SUGCT: variants seen among roughly 807,000 people sequenced by gnomAD.
The protein encoded by SUGCT is succinyl-CoA:glutarate-CoA transferase.
In SUGCT, 41 loss-of-function variants were observed where a neutral mutation model predicts 55.0. That is an observed-to-expected ratio of 0.74 (90% CI 0.58 to 0.97). SUGCT has a LOEUF of 0.97. SUGCT is among the 50% of genes least tolerant of loss of function. The probability of loss-of-function intolerance (pLI) is 0.00; values close to 1 mark genes in which losing one functional copy is unlikely to be tolerated. For missense variants in SUGCT, 568 were observed against 547.8 expected (o/e 1.04, Z -0.37); for synonymous variants, 187 against 200.4 (o/e 0.93, Z 0.56).
At chr7:40,141,090 T>C (rs1787956197) in intron 1 of SUGCT, among the ~76,000 whole-genome samples, 1 of 152,204 alleles carries the variant, frequency 6.6e-6, no homozygotes. Flanking sequence ...CTAGGTGTTT[T>C]ATTTTTTTGT....
intron 12 of SUGCT, among the ~76,000 whole-genome samples, chr7:40,522,332 T>C (rs1793577009): frequency 1.3e-5 from 2 of 152,112 alleles, no homozygotes; most frequent in African/African-American, 4.8e-5. Flanking sequence ...GAGTTTTAGC[T>C]TCAAAAGCCC....
At chr7:40,342,810 T>C (rs1797122834) in intron 9 of SUGCT, among the ~76,000 whole-genome samples, 1 of 152,072 alleles carries the variant, frequency 6.6e-6, no homozygotes, top group Admixed American at 6.6e-5. Flanking sequence ...GCCTGGCTAA[T>C]TTTTGTATTT....
intron 12 of SUGCT, among the ~76,000 whole-genome samples, chr7:40,560,546 G>A (rs983599269): frequency 6.6e-6 from 1 of 152,134 alleles, no homozygotes; most frequent in Non-Finnish European, 1.5e-5. Flanking sequence ...ACATCTTTTA[G>A]GAATGATGTA....
At chr7:40,207,531 C>T (rs1041581757) in intron 6 of SUGCT, among the ~76,000 whole-genome samples, 42 of 152,036 alleles carry the variant, frequency 2.8e-4, no homozygotes, top group Non-Finnish European at 5.1e-4. Context: ...AAATTAAACA[C>T]GGAAGCTGGG....
intron 1 of SUGCT, among the ~76,000 whole-genome samples, chr7:40,161,978 C>T (rs1037385807): frequency 1.3e-5 from 2 of 151,944 alleles, no homozygotes; most frequent in African/African-American, 4.8e-5. Context: ...CTCATTGCAA[C>T]CTCCGCCTCC....
Position 40,272,976 on chromosome 7 carries a change from T to C in SUGCT, c.577-1537T>C, listed in dbSNP as rs781563137. Among the ~76,000 whole-genome samples, 107 of 152,072 alleles carry C rather than the reference T, an allele frequency of 7.0e-4. 2 individuals carry two copies. In the Middle Eastern group the frequency reaches 9.5e-3, roughly 13 times the overall value. ...TGCCCAGCCTTTAGTGTAACTTTTA[T>C]TGAAAAAAAATTCCACGTATAAGTG... On this transcript the variant is annotated intron_variant, in intron 7 of 13. Transcript: ENST00000335693.
chr7:40,180,530 C>T (rs1249290962), intron 1 of SUGCT, among the ~76,000 whole-genome samples: 2 of 151,282 alleles, frequency 1.3e-5, no homozygotes, highest in Admixed American at 6.6e-5. Flanking sequence ...TGCTCTGTCG[C>T]CCAGGCTGGA....
chr7:40,488,526 A>G (rs1161683916), intron 11 of SUGCT, among the ~76,000 whole-genome samples: 1 of 152,142 alleles, frequency 6.6e-6, no homozygotes, highest in Non-Finnish European at 1.5e-5. Context: ...TCATTACCAT[A>G]TGAGTATATT....
chr7:40,614,837 A>G (rs1798920091), intron 12 of SUGCT, among the ~76,000 whole-genome samples: 2 of 152,176 alleles, frequency 1.3e-5, no homozygotes, highest in African/African-American at 4.8e-5. Flanking sequence ...ATGTGGATGG[A>G]TCACCTGAGT....
the SUGCT span, among the ~76,000 whole-genome samples, chr7:40,914,315 A>G: frequency 6.2e-5 from 8 of 128,668 alleles, no homozygotes; most frequent in East Asian, 1.8e-3. Context: ...TTTAGGGTAC[A>G]TGTGCACATT....
chr7:40,446,355 A>C (rs1788835884), intron 9 of SUGCT, among the ~76,000 whole-genome samples: 1 of 152,054 alleles, frequency 6.6e-6, no homozygotes. Context: ...CCTTCTCCAC[A>C]AAAAAGCAAG....
chr7:40,184,074 C>G (rs910696147), intron 3 of SUGCT, among the ~76,000 whole-genome samples: 1 of 152,066 alleles, frequency 6.6e-6, no homozygotes, highest in Non-Finnish European at 1.5e-5. Flanking sequence ...ACTTGGAAGG[C>G]TGAGGCAGGA....
chr7:40,941,653 C>T, the SUGCT span, among the ~76,000 whole-genome samples: 17 of 152,138 alleles, frequency 1.1e-4, no homozygotes, highest in East Asian at 3.3e-3. Context: ...TCGGTCTGTG[C>T]TGTCAGTGGA....
intron 13 of SUGCT, among the ~76,000 whole-genome samples, chr7:40,780,496 C>T (rs111843484): frequency 1.1e-3 from 161 of 152,276 alleles, no homozygotes; most frequent in African/African-American, 3.7e-3. Context: ...CCTCTGTCCT[C>T]TGAGAAGAAG....
chr7:40,837,102 G>A (rs959721072), intron 13 of SUGCT, among the ~76,000 whole-genome samples: 1 of 152,014 alleles, frequency 6.6e-6, no homozygotes, highest in Non-Finnish European at 1.5e-5. Flanking sequence ...TCAGCATATG[G>A]TGCTATCAAT....
intron 12 of SUGCT, among the ~76,000 whole-genome samples, chr7:40,736,752 GAAAGAAAAAAAAT>G (rs1244607139): frequency 6.6e-6 from 1 of 150,720 alleles, no homozygotes; most frequent in Non-Finnish European, 1.5e-5. Flanking sequence ...TCTTTTAGAA[GAAAGAAAAAAAAT>G]AAAGAAAAAA....
chr7:40,152,308 A>G (rs1366057441), intron 1 of SUGCT: 2 of 152,238 alleles, frequency 1.3e-5, no homozygotes, highest in African/African-American at 4.8e-5. Context: ...AGTTCAGCCT[A>G]TGCCCAGGAA....
At chr7:40,219,950 T>C (rs548496032) in intron 6 of SUGCT, among the ~76,000 whole-genome samples, 49 of 152,312 alleles carry the variant, frequency 3.2e-4, no homozygotes, top group African/African-American at 1.2e-3. Context: ...AATTGCTGGC[T>C]GGTGTTTTTT....
intron 12 of SUGCT, among the ~76,000 whole-genome samples, chr7:40,618,922 TTATAGA>T (rs1479785827): frequency 1.3e-5 from 2 of 152,196 alleles, no homozygotes; most frequent in Admixed American, 6.5e-5. Flanking sequence ...AAGTCTGAAC[TTATAGA>T]TAGAGGATCC....
Sources: gnomAD v4.1 joint callset for allele counts (sites outside exome capture counted in the v4.1 genomes callset) on GRCh38, gnomAD v4.1.1 for gene constraint, MANE v1.5 for transcripts, NCBI Gene and HGNC (gene_info 2026-07-23, HGNC 2026-07-21) for gene names.